Variants in ZNF423 observed in about 807,000 individuals in gnomAD.
ZNF423 encodes Ebf-associated zinc finger protein.
A neutral mutation model predicts 95.8 loss-of-function variants in ZNF423; 12 were observed. The ratio of observed to expected loss-of-function variants is 0.13; its 90% CI spans 0.08 to 0.20. The LOEUF is 0.20. Among genes scored for constraint, ZNF423 ranks in the 10% least tolerant of loss-of-function variants. ZNF423 has a pLI of 1.00. For missense variants in ZNF423, 1,316 were observed against 1,737.1 expected (o/e 0.76, Z 4.31); for synonymous variants, 749 against 711.9 (o/e 1.05, Z -0.83).
At chr16:49,663,985 CCT>C in intron 3 of ZNF423, 1 of 804,630 alleles carries the variant, frequency 1.2e-6, no homozygotes, top group African/African-American at 1.9e-5. Flanking sequence ...GCGCCGGGAG[CCT>C]CTAAGGGGAC....
At chr16:49,750,812 T>G (rs1596966285) in intron 2 of ZNF423, among the ~76,000 whole-genome samples, 1 of 151,508 alleles carries the variant, frequency 6.6e-6, no homozygotes, top group Non-Finnish European at 1.5e-5. Flanking sequence ...CCAGCCAGAG[T>G]GGTGAGGGAG....
At chr16:49,837,095 G>T (rs2035128678) in intron 1 of ZNF423, among the ~76,000 whole-genome samples, 1 of 152,176 alleles carries the variant, frequency 6.6e-6, no homozygotes, top group Non-Finnish European at 1.5e-5. Context: ...GGGCAGCTCA[G>T]TGTGCAAAGC....
chr16:49,585,518 T>C (rs996084575), intron 5 of ZNF423, among the ~76,000 whole-genome samples: 11 of 152,356 alleles, frequency 7.2e-5, no homozygotes, highest in South Asian at 2.1e-4. Flanking sequence ...AATTTGTTCA[T>C]GTGTGAGATG....
intron 5 of ZNF423, among the ~76,000 whole-genome samples, chr16:49,558,659 C>A (rs563341020): frequency 6.6e-6 from 1 of 152,206 alleles, no homozygotes; most frequent in African/African-American, 2.4e-5. Flanking sequence ...CCCACACACA[C>A]GCACACACTT....
chr16:49,659,010 C>T (rs1480690743), intron 3 of ZNF423, among the ~76,000 whole-genome samples: 1 of 152,188 alleles, frequency 6.6e-6, no homozygotes, highest in Non-Finnish European at 1.5e-5. Flanking sequence ...TCCTACGTGC[C>T]GGGCTTTCTT....
At chr16:49,634,037 T>C (rs1331112685) in intron 4 of ZNF423, among the ~76,000 whole-genome samples, 1 of 151,336 alleles carries the variant, frequency 6.6e-6, no homozygotes. Flanking sequence ...CTCGTGAGTA[T>C]CTGGGACTAC....
intron 7 of ZNF423, chr16:49,518,530 G>A (rs1968248904): frequency 6.8e-6 from 3 of 439,204 alleles, no homozygotes; most frequent in Non-Finnish European, 1.3e-5. Flanking sequence ...TATTGCTGCA[G>A]TATTCTAAAT....
chr16:49,714,516 G>A (rs2032643569), intron 3 of ZNF423, among the ~76,000 whole-genome samples: 1 of 151,890 alleles, frequency 6.6e-6, no homozygotes, highest in Non-Finnish European at 1.5e-5. Flanking sequence ...AAATTAGCCA[G>A]GTGTCTGTAA....
At chr16:49,755,274 C>G (rs888950583) in intron 2 of ZNF423, among the ~76,000 whole-genome samples, 1 of 152,198 alleles carries the variant, frequency 6.6e-6, no homozygotes, top group Non-Finnish European at 1.5e-5. Flanking sequence ...AGAAGAAAAC[C>G]TTCCTCCCTC....
At position 49,618,719 on chromosome 16, in the gene ZNF423, T is replaced by C. The variant is rs557343235; in HGVS notation, c.3601+7451A>G. Reference sequence around the variant, plus strand: ...AATGGACTGCTACATGAACCACTGCTAGCATCATTGTCTTCTCTGCCAGTC... The same window carrying C: ...AATGGACTGCTACATGAACCACTGCCAGCATCATTGTCTTCTCTGCCAGTC... On this transcript the variant is annotated intron_variant, in intron 5 of 7. Coordinates refer to ENST00000563137, the MANE Select transcript of ZNF423 (RefSeq NM_001379286.1). 1.4e-4 allele frequency among the ~76,000 whole-genome samples: 22 copies of C among 152,330 alleles called. No individual in the cohort carries two copies. In the East Asian group the frequency reaches 4.2e-3, roughly 29 times the overall value.
intron 2 of ZNF423, among the ~76,000 whole-genome samples, chr16:49,787,298 A>T (rs550498189): frequency 2.0e-5 from 3 of 152,030 alleles, no homozygotes; most frequent in Admixed American, 2.0e-4. Context: ...AAAAAAGAAA[A>T]AAAAAGAAAA....
intron 3 of ZNF423, among the ~76,000 whole-genome samples, chr16:49,700,218 C>G (rs57281936): frequency 0.47 from 55,723 of 118,364 alleles, 12,519 homozygotes; most frequent in African/African-American, 0.61. Context: ...AAAAAAAAAA[C>G]AAGAAGAAGA....
At position 49,488,567 on chromosome 16, in the gene ZNF423, C is replaced by A. The variant is rs1055607154; in HGVS notation, c.*2708G>T. 1 of 152,154 alleles carries A rather than the reference C, an allele frequency of 6.6e-6. No individual in the cohort carries two copies. Among genetic ancestry groups the A allele is most frequent in the Non-Finnish European group, 1.5e-5 (1 of 68,046 alleles). The allele number at this position is 152,154 out of a possible 1,614,324, so 9.4% of individuals were successfully genotyped here. A position where few individuals can be genotyped will look rare whatever the true frequency, so the allele number is the denominator to read the frequency against. ...TCCTGGCTGAAAAGGTGCCCTCCTG[C>A]AGGATGCCTGGCACCATCATTGATG... is the stretch of plus-strand genomic sequence containing the variant. On this transcript the variant is annotated 3_prime_UTR_variant, in exon 8 of 8. Coordinates refer to ENST00000563137, the MANE Select transcript of ZNF423 (RefSeq NM_001379286.1).
intron 1 of ZNF423, among the ~76,000 whole-genome samples, chr16:49,821,759 G>A (rs973924131): frequency 6.6e-6 from 1 of 152,148 alleles, no homozygotes; most frequent in African/African-American, 2.4e-5. Flanking sequence ...GGCCGAGCCT[G>A]GCTGTCACTC....
intron 2 of ZNF423, among the ~76,000 whole-genome samples, chr16:49,738,170 T>C (rs1478754236): frequency 6.6e-6 from 1 of 152,242 alleles, no homozygotes; most frequent in Non-Finnish European, 1.5e-5. Flanking sequence ...ACATGCACAT[T>C]TGCTGCAACA....
At chr16:49,633,120 T>G (rs751995162) in intron 4 of ZNF423, among the ~76,000 whole-genome samples, 9 of 152,182 alleles carry the variant, frequency 5.9e-5, no homozygotes, top group Non-Finnish European at 1.2e-4. Flanking sequence ...GCTGCCTGCC[T>G]GGGTTCAAGT....
chr16:49,646,540 G>T (rs992663043), intron 3 of ZNF423, among the ~76,000 whole-genome samples: 1 of 146,432 alleles, frequency 6.8e-6, no homozygotes, highest in South Asian at 2.2e-4. Flanking sequence ...CAGATCCAGT[G>T]GTTACTGTTT....
At position 49,855,484 on chromosome 16, in the gene ZNF423, C is replaced by T. The variant is rs1037496997; in HGVS notation, c.40+251G>A. Among the ~76,000 whole-genome samples, 2 of 150,604 alleles carry T rather than the reference C, an allele frequency of 1.3e-5. No individual in the cohort carries two copies. Among genetic ancestry groups the T allele is most frequent in the African/African-American group, 2.4e-5 (1 of 40,880 alleles). ...CAAGGGCGACGGCGCCGAGTCCGGGCAGGGAGGGTGTCCGCGGCGTACCCC... is the reference window on the plus strand; with the variant it reads ...CAAGGGCGACGGCGCCGAGTCCGGGTAGGGAGGGTGTCCGCGGCGTACCCC... On this transcript the variant is annotated intron_variant, in intron 1 of 7. Coordinates refer to ENST00000563137, the MANE Select transcript of ZNF423 (RefSeq NM_001379286.1). The surrounding 1 kb of genome is among the most constrained non-coding windows in gnomAD (Gnocchi z 4.7).
intron 5 of ZNF423, among the ~76,000 whole-genome samples, chr16:49,554,145 T>C (rs749944202): frequency 6.6e-6 from 1 of 152,180 alleles, no homozygotes; most frequent in Non-Finnish European, 1.5e-5. Context: ...GAGTCAAGCT[T>C]ATCCAGCTCC....
Sources: gnomAD v4.1 joint callset for allele counts (sites outside exome capture counted in the v4.1 genomes callset) on GRCh38, gnomAD v4.1.1 for gene constraint, Gnocchi (gnomAD v3.1) non-coding constraint, MANE v1.5 for transcripts, NCBI Gene and HGNC (gene_info 2026-07-23, HGNC 2026-07-21) for gene names.